Variants in APBB2 observed in about 807,000 individuals in gnomAD.
APBB2 encodes the protein Fe65-like 1.
A neutral mutation model predicts 82.5 loss-of-function variants in APBB2; 38 were observed. The ratio of observed to expected loss-of-function variants is 0.46; its 90% confidence interval spans 0.36 to 0.60. The LOEUF is 0.60. Among genes scored for constraint, APBB2 ranks in the 20% least tolerant of loss-of-function variants. The pLI, the probability that APBB2 is intolerant of heterozygous loss-of-function variation, is 0.00. For missense variants in APBB2, 772 were observed against 972.3 expected (o/e 0.79, Z 2.74); for synonymous variants, 341 against 368.2 (o/e 0.93, Z 0.85).
In APBB2 at chr4:40,847,788, T is replaced by C. The variant is rs570060118; in HGVS notation, c.1530-17211A>G. 3.3e-5 allele frequency among the ~76,000 whole-genome samples: 5 copies of C among 152,142 alleles called. No individual in the cohort carries two copies. In the East Asian group the frequency reaches 9.7e-4, roughly 29 times the overall value. ...CCAATACATATGGCCTTCATTTGAA[T>C]TGTTTGTTGTTTTTGCTTGCTTTTT... On this transcript the variant is annotated intron_variant, in intron 12 of 17. Coordinates refer to ENST00000508593, the MANE Select transcript of APBB2 (RefSeq NM_004307.2).
chr4:40,816,560 C>A (rs1169921510), intron 17 of APBB2, among the ~76,000 whole-genome samples: 3 of 152,192 alleles, frequency 2.0e-5, no homozygotes, highest in African/African-American at 4.8e-5. Flanking sequence ...GCTAATGAAA[C>A]CAGAAAGGAT....
intron 1 of APBB2, among the ~76,000 whole-genome samples, chr4:41,160,904 T>C (rs145708335): frequency 1.5e-3 from 221 of 152,244 alleles, no homozygotes; most frequent in African/African-American, 5.1e-3. Flanking sequence ...TCGCATGCAT[T>C]AGCTCACTTA....
At chr4:40,883,128 G>A (rs1769138857) in intron 12 of APBB2, among the ~76,000 whole-genome samples, 2 of 152,146 alleles carry the variant, frequency 1.3e-5, no homozygotes, top group Admixed American at 6.5e-5. Context: ...CTGCAGCTGT[G>A]GCATGAGAAC....
intron 10 of APBB2, among the ~76,000 whole-genome samples, chr4:40,933,352 T>G (rs10008070): frequency 0.81 from 122,612 of 152,042 alleles, 49,469 homozygotes; most frequent in South Asian, 0.86. Context: ...CAGGGGCGGG[T>G]AAATCAAGCC....
At chr4:41,016,844 A>G (rs1810109171) in intron 5 of APBB2, among the ~76,000 whole-genome samples, 1 of 151,882 alleles carries the variant, frequency 6.6e-6, no homozygotes, top group Non-Finnish European at 1.5e-5. Context: ...TGTATATGCC[A>G]TATTTATTAG....
chr4:41,036,071 T>C (rs1719051965), intron 4 of APBB2, among the ~76,000 whole-genome samples: 1 of 152,020 alleles, frequency 6.6e-6, no homozygotes, highest in Admixed American at 6.5e-5. Context: ...GGTGGAAGGA[T>C]CACTTGAGCC....
chr4:40,982,266 GAAAGAAAGAA>G (rs1181003871), intron 6 of APBB2, among the ~76,000 whole-genome samples: 23 of 31,736 alleles, frequency 7.2e-4, no homozygotes, highest in African/African-American at 2.7e-3. Flanking sequence ...AAGAAAGAAA[GAAAGAAAGAA>G]AGAAAGAAGG....
chr4:41,157,979 G>A (rs1224330074), intron 1 of APBB2, among the ~76,000 whole-genome samples: 1 of 152,166 alleles, frequency 6.6e-6, no homozygotes, highest in Non-Finnish European at 1.5e-5. Context: ...GCGACAGAGT[G>A]AGACTCCACC....
chr4:41,129,253 TC>T (rs1178045917), intron 2 of APBB2, among the ~76,000 whole-genome samples: 16 of 152,286 alleles, frequency 1.1e-4, no homozygotes, highest in African/African-American at 3.9e-4. Context: ...GAGTCAAGAC[TC>T]CTGTGCAGGG....
At chr4:40,865,310 T>A (rs555858542) in intron 12 of APBB2, among the ~76,000 whole-genome samples, 5 of 152,146 alleles carry the variant, frequency 3.3e-5, no homozygotes, top group African/African-American at 1.2e-4. Flanking sequence ...GCAAGTTCCA[T>A]GATTGTAATT....
chr4:40,885,944 T>C (rs569878464), intron 12 of APBB2, among the ~76,000 whole-genome samples: 3 of 152,268 alleles, frequency 2.0e-5, no homozygotes, highest in Non-Finnish European at 4.4e-5. Flanking sequence ...TTTTTTTTTT[T>C]CTCAAGGGAA....
At chr4:41,019,144 G>A (rs1224364265) in intron 5 of APBB2, among the ~76,000 whole-genome samples, 1 of 152,214 alleles carries the variant, frequency 6.6e-6, no homozygotes, top group Non-Finnish European at 1.5e-5. Context: ...CAAGTTGGGG[G>A]AGACAGGACA....
At chr4:40,918,601 G>A (rs1316846338) in intron 10 of APBB2, among the ~76,000 whole-genome samples, 1 of 152,194 alleles carries the variant, frequency 6.6e-6, no homozygotes, top group Non-Finnish European at 1.5e-5. Context: ...GGGGGGAGAA[G>A]CAGCAGAGGA....
At chr4:40,903,613 T>C (rs1455958862) in intron 10 of APBB2, among the ~76,000 whole-genome samples, 1 of 152,254 alleles carries the variant, frequency 6.6e-6, no homozygotes, top group African/African-American at 2.4e-5. Flanking sequence ...GTTACCCTTC[T>C]GCTGAGGAGA....
chr4:40,930,472 CGTGCGCGTATGCGT>C (rs1783938129), intron 10 of APBB2, among the ~76,000 whole-genome samples: 1 of 140,884 alleles, frequency 7.1e-6, no homozygotes, highest in East Asian at 2.0e-4. Flanking sequence ...CGCGCGTGCG[CGTGCGCGTATGCGT>C]GTGTATGTGT....
chr4:41,126,833 G>A (rs1309434546), intron 2 of APBB2, among the ~76,000 whole-genome samples: 1 of 152,100 alleles, frequency 6.6e-6, no homozygotes, highest in Non-Finnish European at 1.5e-5. Flanking sequence ...GACTGCACTA[G>A]GACCCTCCTT....
rs569993097 is a variant in APBB2, at chr4:40,894,028, C to G, written c.1255-617G>C. 1.6e-4 allele frequency among the ~76,000 whole-genome samples: 24 copies of G among 151,408 alleles called. No homozygotes were observed. In the South Asian group the frequency reaches 4.8e-3, roughly 30 times the overall value. ...TGAGGGCCGGGCGCGGTGGCTCATG[C>G]CTGTAATCCCAGCACTTTGGGAGGC... On this transcript the variant is annotated intron_variant, in intron 10 of 17. Coordinates refer to ENST00000508593, the MANE Select transcript of APBB2 (RefSeq NM_004307.2).
chr4:41,084,862 A>C (rs1739058140), intron 3 of APBB2: 1 of 152,150 alleles, frequency 6.6e-6, no homozygotes, highest in Non-Finnish European at 1.5e-5. Context: ...GGAGGGAGAA[A>C]TTAAAGTAAG....
At chr4:40,823,793 A>T in intron 15 of APBB2, 34 bp from the exon 16 acceptor site, 1 of 1,451,556 alleles carries the variant, frequency 6.9e-7, no homozygotes, top group South Asian at 1.1e-5. Context: ...AAAGTGTCCT[A>T]AAGCCACTTA....
Sources: gnomAD v4.1 joint callset for allele counts (sites outside exome capture counted in the v4.1 genomes callset) on GRCh38, gnomAD v4.1.1 for gene constraint, MANE v1.5 for transcripts, NCBI Gene and HGNC (gene_info 2026-07-23, HGNC 2026-07-21) for gene names.